The following SWI5 variants were observed in gnomAD, a reference collection of about 807,000 sequenced individuals.
The protein encoded by SWI5 is SWI5 homologous recombination repair protein, also known as DNA repair protein SWI5 homolog.
In SWI5, 12 loss-of-function variants were observed where a neutral mutation model predicts 17.0. The observed-to-expected ratio is 0.71, with a 90% confidence interval of 0.45 to 1.14. The LOEUF (loss-of-function observed/expected upper bound fraction) is 1.14, where lower values mean the gene tolerates loss of function less well. SWI5 is among the 50% of genes most tolerant of loss of function. The pLI, the probability that SWI5 is intolerant of heterozygous loss-of-function variation, is 0.00. For missense variants in SWI5, 158 were observed against 162.2 expected, an observed-to-expected ratio of 0.97 and a Z score of 0.14; for synonymous variants, 61 against 64.0, an observed-to-expected ratio of 0.95 and a Z score of 0.22.
chr9:128,286,416 AT>A (rs2131424735), intron 4 of SWI5: 1 of 180,406 alleles, frequency 5.5e-6, no homozygotes, highest in African/African-American at 2.3e-5. Flanking sequence ...TTAAGGAAGT[AT>A]TTTGTTTCCT....
Position 128,284,506 on chromosome 9 carries a change from T to C in SWI5, c.112-4T>C, listed in dbSNP as rs1431396291. 6.2e-7 allele frequency: 1 copy of C among 1,612,934 alleles called. No individual in the cohort carries two copies. Among genetic ancestry groups the C allele is most frequent in the Non-Finnish European group, 8.5e-7 (1 of 1,179,632 alleles). On this transcript the variant is annotated splice_region_variant and splice_polypyrimidine_tract_variant and intron_variant, in intron 2 of 4. Coordinates refer to ENST00000418976, the Ensembl canonical transcript of SWI5. ...TCTGGCTGATGACTTTTTCTGCCTC[T>C]CAGAGGCCATTGCCCAAGTCTGGCC...
intron 2 of SWI5, among the ~76,000 whole-genome samples, chr9:128,280,526 A>C (rs1205428597): frequency 1.3e-5 from 2 of 151,688 alleles, no homozygotes; most frequent in East Asian, 1.9e-4. Flanking sequence ...AAAAAAAAAA[A>C]AAAACAAGAG....
At chr9:128,275,565 C>A, upstream of SWI5, 2 of 1,167,964 alleles carry the variant, frequency 1.7e-6, no homozygotes, top group Non-Finnish European at 2.2e-6. Flanking sequence ...AGGGCAGGGG[C>A]TGAATTGCTG....
intron 2 of SWI5, 128 bp from the exon 3 acceptor site, chr9:128,284,382 T>C (rs1282476728): frequency 2.5e-5 from 27 of 1,065,300 alleles, no homozygotes; most frequent in Non-Finnish European, 3.1e-5. Flanking sequence ...GGCTTGGAAA[T>C]GCAGTCTTAT....
chr9:128,288,740 C>T (rs773778529), exon 5 of SWI5: 5 of 1,613,050 alleles, frequency 3.1e-6, no homozygotes, highest in Non-Finnish European at 4.2e-6. Flanking sequence ...CCCTTGTCCA[C>T]AGCTCCCAGG....
At chr9:128,276,228 G>A (rs201440197), upstream of SWI5, 26 of 1,611,826 alleles carry the variant, frequency 1.6e-5, no homozygotes, top group South Asian at 1.5e-4. Flanking sequence ...CCTCGGGAGA[G>A]GGGCGGGGCC....
chr9:128,279,860 G>A (rs1040118457), intron 2 of SWI5, among the ~76,000 whole-genome samples: 9 of 152,082 alleles, frequency 5.9e-5, no homozygotes, highest in Admixed American at 1.3e-4. Flanking sequence ...TGGCATTACC[G>A]CTTGACCAAG....
chr9:128,279,704 G>A (rs1338142637), intron 2 of SWI5, among the ~76,000 whole-genome samples: 1 of 152,206 alleles, frequency 6.6e-6, no homozygotes, highest in African/African-American at 2.4e-5. Flanking sequence ...ACAGGGAGGG[G>A]TTTAGGCCTC....
intron 1 of SWI5, 57 bp from the exon 2 acceptor site, chr9:128,276,650 C>G: frequency 6.2e-7 from 1 of 1,614,008 alleles, no homozygotes; most frequent in Non-Finnish European, 8.5e-7. Context: ...CCACAGTACC[C>G]CGTCCTCACA....
Position 128,285,045 on chromosome 9 carries a change from G to A in SWI5, c.233+414G>A, listed in dbSNP as rs1008454465. 1.3e-5 allele frequency among the ~76,000 whole-genome samples: 2 copies of A among 148,422 alleles called. No homozygotes were observed. The highest frequency in any genetic ancestry group is 6.8e-5 in the Admixed American group (1 of 14,734). ...TCGCACTGGCCTAGCATAGAAATAC[G>A]ACTGTGCGCTACTCAGGAGGCTGAG... is the stretch of plus-strand genomic sequence containing the variant. On this transcript the variant is annotated intron_variant, in intron 3 of 4. Transcript: ENST00000418976. This position sits in a 1 kb window ranked among gnomAD's most constrained non-coding sequence, Gnocchi z 4.8.
At chr9:128,288,873 G>C (rs1276355548) in exon 5 of SWI5, 1 of 749,852 alleles carries the variant, frequency 1.3e-6, no homozygotes, top group East Asian at 2.6e-5. Flanking sequence ...GGAGGCTAGA[G>C]AAGAGGCGGG....
upstream of SWI5, chr9:128,276,055 A>G (rs1196025999): frequency 6.3e-7 from 1 of 1,586,536 alleles, no homozygotes; most frequent in Non-Finnish European, 8.6e-7. Context: ...AGGCGTAACC[A>G]GGGCGATACT....
chr9:128,288,137 G>A (rs570663669), intron 4 of SWI5, among the ~76,000 whole-genome samples: 5 of 152,220 alleles, frequency 3.3e-5, no homozygotes, highest in African/African-American at 9.6e-5. Flanking sequence ...GGTGTTCAGG[G>A]GAGGCCTCTG....
intron 4 of SWI5, 153 bp downstream of exon 4, chr9:128,286,186 C>A: frequency 1.7e-6 from 1 of 599,760 alleles, no homozygotes; most frequent in Non-Finnish European, 3.0e-6. Flanking sequence ...CCTCTCCTGA[C>A]CAGCCTCTGG....
At chr9:128,286,515 G>A (rs1831641817) in intron 4 of SWI5, 1 of 158,518 alleles carries the variant, frequency 6.3e-6, no homozygotes, top group Admixed American at 6.0e-5. Flanking sequence ...TACCTTGGAG[G>A]TGAGGAAATG....
chr9:128,284,587 G>A (rs1831601401), exon 3 of SWI5: 1 of 1,614,046 alleles, frequency 6.2e-7, no homozygotes. Flanking sequence ...AACTGAAGGA[G>A]AAGAGGGACA....
At chr9:128,276,072 CA>C, upstream of SWI5, 1 of 1,577,004 alleles carries the variant, frequency 6.3e-7, no homozygotes, top group African/African-American at 1.4e-5. Context: ...TACTGGAGCG[CA>C]GAATGGGGGC....
At chr9:128,278,976 G>A (rs1053036093) in intron 2 of SWI5, among the ~76,000 whole-genome samples, 6 of 151,862 alleles carry the variant, frequency 4.0e-5, no homozygotes, top group Admixed American at 2.6e-4. Context: ...TTGCCATGTT[G>A]GCCAGGCTGG....
At chr9:128,276,536 T>A (rs764063790) in intron 1 of SWI5, 134 bp downstream of exon 1, 4 of 1,570,120 alleles carry the variant, frequency 2.5e-6, no homozygotes, top group Non-Finnish European at 3.5e-6. Flanking sequence ...AACGCCCCCT[T>A]CCTAGAGGGT....
Sources: allele counts gnomAD v4.1 joint callset (sites outside exome capture counted in the v4.1 genomes callset), GRCh38; gene constraint gnomAD v4.1.1; non-coding constraint Gnocchi (gnomAD v3.1); transcripts MANE v1.5; gene names NCBI Gene and HGNC (gene_info 2026-07-23, HGNC 2026-07-21).